LMTK2: variants seen among roughly 807,000 people sequenced by gnomAD.
The protein encoded by LMTK2 is serine/threonine-protein kinase LMTK2.
A neutral mutation model predicts 127.5 loss-of-function variants in LMTK2; 37 were observed. The ratio of observed to expected loss-of-function variants is 0.29; its 90% CI spans 0.22 to 0.38. LMTK2 has a LOEUF of 0.38. LMTK2 is among the 10% of genes least tolerant of loss of function. LMTK2 has a pLI of 1.00. For synonymous variants in LMTK2, 819 were observed against 810.1 expected, an observed-to-expected ratio of 1.01 and a Z score of -0.19; for missense variants, 1,694 against 1,920.3, an observed-to-expected ratio of 0.88 and a Z score of 2.20.
Position 98,185,123 on chromosome 7 carries a change from C to T in LMTK2, c.864C>T (p.Phe288=). Residue 288 remains phenylalanine (F), a synonymous_variant, in exon 8 of 14, where the codon TTC becomes TTT. Coordinates refer to ENST00000297293, the MANE Select transcript of LMTK2 (RefSeq NM_014916.4). ...AAGTGGGAGATTACGGAATAGGATT[C>T]AGCAGGTACAAGGTAAGCCAGAGGT... ...NVKVGDYGIG[F]SRYKEDYIET... is the part of the protein sequence containing the mutation. 1 of 1,610,176 alleles carries T rather than the reference C, an allele frequency of 6.2e-7. No individual in the cohort carries two copies.
intron 1 of LMTK2, among the ~76,000 whole-genome samples, chr7:98,115,714 G>A (rs1427403244): frequency 1.3e-5 from 2 of 151,952 alleles, no homozygotes; most frequent in African/African-American, 2.4e-5. Flanking sequence ...GGTTGAACCC[G>A]GGAGGCGGAG....
intron 4 of LMTK2, among the ~76,000 whole-genome samples, chr7:98,153,874 A>C (rs530731608): frequency 1.3e-5 from 2 of 152,132 alleles, no homozygotes; most frequent in South Asian, 2.1e-4. Context: ...AAAAAAAAAA[A>C]GAGAGGGTGA....
chr7:98,185,948 T>C (rs1033927358), intron 8 of LMTK2, among the ~76,000 whole-genome samples: 1 of 152,162 alleles, frequency 6.6e-6, no homozygotes, highest in African/African-American at 2.4e-5. Flanking sequence ...GGTAATATTT[T>C]CAAAAAATAT....
At chr7:98,114,424 C>G (rs557261939) in intron 1 of LMTK2, among the ~76,000 whole-genome samples, 1 of 151,676 alleles carries the variant, frequency 6.6e-6, no homozygotes, top group South Asian at 2.1e-4. Context: ...CATATTTTTT[C>G]TATAGAGATG....
At chr7:98,132,485 G>GCGGT (rs1430020590) in intron 1 of LMTK2, among the ~76,000 whole-genome samples, 1 of 152,092 alleles carries the variant, frequency 6.6e-6, no homozygotes, top group Non-Finnish European at 1.5e-5. Context: ...TCCTGACCTT[G>GCGGT]CGGTCCCCCG....
intron 1 of LMTK2, among the ~76,000 whole-genome samples, chr7:98,112,696 A>G (rs1796219836): frequency 6.6e-6 from 1 of 152,206 alleles, no homozygotes; most frequent in Admixed American, 6.5e-5. Context: ...CATGATCCTG[A>G]TTCTTCGTGA....
Position 98,160,095 on chromosome 7 carries a change from C to T in LMTK2, c.657+670C>T, listed in dbSNP as rs1796991764. On this transcript the variant is annotated intron_variant, in intron 6 of 13. Coordinates refer to ENST00000297293, the MANE Select transcript of LMTK2 (RefSeq NM_014916.4). ...AGAATATTTCATCTTTTTTAAAAGC[C>T]CATTTTTAGCATGTAATTGTTATCT... Among the ~76,000 whole-genome samples the T allele has an allele frequency of 2.6e-5, 4 of 151,974 alleles. No individual in the cohort carries two copies. In the South Asian group the frequency reaches 8.3e-4, roughly 32 times the overall value.
In LMTK2 at chr7:98,192,582, T is replaced by G. The variant is rs1489141646; in HGVS notation, c.2117T>G (p.Met706Arg). 1 of 1,613,198 alleles carries G rather than the reference T, an allele frequency of 6.2e-7. No homozygotes were observed. Among genetic ancestry groups the G allele is most frequent in the South Asian group, 1.1e-5 (1 of 90,776 alleles). The stretch of plus-strand genomic sequence containing the variant: ...CCTCTCTGCCTATCAGATAATCTTA[T>G]GCACCAAGATAATTTTGATCCATTG... ...SEPLCLSDNL[M>R]HQDNFDPLNV... Residue 706 changes from methionine to arginine, a missense_variant, in exon 11 of 14, where the codon ATG becomes AGG. Physicochemically the swap from Met to Arg is moderately conservative, Grantham distance 91 (BLOSUM62 -1). Coordinates refer to ENST00000297293, the MANE Select transcript of LMTK2 (RefSeq NM_014916.4).
At position 98,171,282 on chromosome 7, in the gene LMTK2, A is replaced by G. The variant is rs1797186707; in HGVS notation, c.658-259A>G. 6.6e-6 allele frequency among the ~76,000 whole-genome samples: 1 copy of G among 152,196 alleles called. No homozygotes were observed. On this transcript the variant is annotated intron_variant, in intron 6 of 13. Transcript: ENST00000297293. The surrounding 1 kb of genome is among the most constrained non-coding windows in gnomAD (Gnocchi z 5.1). ...TACACAGCATTTAGTTTAAATGTGC[A>G]TCATTGCAAAACTATCTTTTTTTAA...
chr7:98,156,864 G>A (rs1416841342), intron 5 of LMTK2, among the ~76,000 whole-genome samples: 2 of 152,188 alleles, frequency 1.3e-5, no homozygotes, highest in African/African-American at 4.8e-5. Context: ...CTTCTGTGGG[G>A]GAGGTCAGTC....
At chr7:98,184,119 C>T (rs1160487829) in intron 7 of LMTK2, among the ~76,000 whole-genome samples, 1 of 152,140 alleles carries the variant, frequency 6.6e-6, no homozygotes, top group Admixed American at 6.5e-5. Context: ...GATCCAAGTG[C>T]CCTGTTCAAC....
In LMTK2 at chr7:98,204,280, A is replaced by G. The variant is rs1797755852; in HGVS notation, c.4483+94A>G. 4 of 1,481,442 alleles carry G rather than the reference A, an allele frequency of 2.7e-6. No individual in the cohort carries two copies. In the South Asian group the frequency reaches 4.9e-5, roughly 18 times the overall value. 91.8% of individuals were successfully genotyped at this position (1,481,442 alleles called of 1,614,324 possible). ...GTGGTTTTGCAGGCCTGATAATCTC[A>G]TGTCTTCTTCACATTTGCTGAGTAG... On this transcript the variant is annotated intron_variant, in intron 13 of 13. Transcript: ENST00000297293.
In LMTK2 at chr7:98,171,687, G is replaced by A. The variant is rs772012402; in HGVS notation, c.791+13G>A. 2.8e-5 allele frequency: 43 copies of A among 1,562,810 alleles called. No individual in the cohort carries two copies. In the Admixed American group the frequency reaches 4.8e-4, roughly 17 times the overall value. On this transcript the variant is annotated intron_variant, in intron 7 of 13. Coordinates refer to ENST00000297293, the MANE Select transcript of LMTK2 (RefSeq NM_014916.4). This position sits in a 1 kb window ranked among gnomAD's most constrained non-coding sequence, Gnocchi z 5.1. ...ACTTCCTGCACAGGTGGGTACCTGC[G>A]TCAGCGGTGCACGCCCCACACAGCA...
At chr7:98,145,936 T>G (rs756383213) in intron 3 of LMTK2, among the ~76,000 whole-genome samples, 26 of 152,182 alleles carry the variant, frequency 1.7e-4, no homozygotes, top group Non-Finnish European at 4.4e-5. Flanking sequence ...TCTGTAAGTT[T>G]TATAGTTTTA....
At chr7:98,129,751 A>G (rs192689407) in intron 1 of LMTK2, among the ~76,000 whole-genome samples, 2 of 151,838 alleles carry the variant, frequency 1.3e-5, no homozygotes, top group East Asian at 1.9e-4. Context: ...TTGCTTGCTT[A>G]TTTTCCCTCG....
At chr7:98,178,140 A>T (rs1387201105) in intron 7 of LMTK2, among the ~76,000 whole-genome samples, 2 of 152,166 alleles carry the variant, frequency 1.3e-5, no homozygotes, top group African/African-American at 2.4e-5. Flanking sequence ...TGTTGTCAAG[A>T]TGGAGATAAA....
intron 6 of LMTK2, among the ~76,000 whole-genome samples, chr7:98,160,817 A>G (rs1185455427): frequency 3.9e-5 from 6 of 152,208 alleles, no homozygotes; most frequent in African/African-American, 9.7e-5. Flanking sequence ...ATTTCCTACA[A>G]TTTCAACCTT....
chr7:98,153,498 T>C (rs1323288228), intron 4 of LMTK2, among the ~76,000 whole-genome samples: 3 of 152,332 alleles, frequency 2.0e-5, no homozygotes, highest in East Asian at 3.9e-4. Context: ...ATGGTGATGG[T>C]ACATCCTTGC....
At chr7:98,176,552 A>T (rs961919922) in intron 7 of LMTK2, among the ~76,000 whole-genome samples, 2 of 152,142 alleles carry the variant, frequency 1.3e-5, no homozygotes, top group African/African-American at 4.8e-5. Flanking sequence ...AAAAAGAAAA[A>T]AATAATAATA....
Sources: allele counts gnomAD v4.1 joint callset (sites outside exome capture counted in the v4.1 genomes callset), GRCh38; gene constraint gnomAD v4.1.1; non-coding constraint Gnocchi (gnomAD v3.1); transcripts MANE v1.5; gene names NCBI Gene and HGNC (gene_info 2026-07-23, HGNC 2026-07-21).